The following SLC22A7 variants were observed in gnomAD, a reference collection of about 807,000 sequenced individuals.
The protein encoded by SLC22A7 is hOAT2.
SLC22A7 carries 48 observed loss-of-function variants against 62.2 expected under a neutral mutation model. That is an observed-to-expected ratio of 0.77 (90% CI 0.61 to 0.98). The LOEUF is 0.98. Among genes scored for constraint, SLC22A7 ranks in the 50% least tolerant of loss-of-function variants. SLC22A7 has a pLI of 0.00. For synonymous variants in SLC22A7, 276 were observed against 314.8 expected (o/e 0.88, Z 1.30); for missense variants, 581 against 703.8 (o/e 0.83, Z 1.97).
In SLC22A7 at chr6:43,302,270, A is replaced by G; in HGVS notation, c.1132A>G (p.Thr378Ala). ...GGGGCTGGGGCTGAACGTGTACCAGACACAGCTGTTGTTCGGGGCTGTGGA... is the reference window on the plus strand; with the variant it reads ...GGGGCTGGGGCTGAACGTGTACCAGGCACAGCTGTTGTTCGGGGCTGTGGA... ...VSGLGLNVYQ[T>A]QLLFGAVELP... Residue 378 changes from threonine (T) to alanine (A), a missense_variant, in exon 8 of 11, where the codon ACA becomes GCA. Physicochemically the swap from Thr to Ala is moderately conservative, Grantham distance 58 (BLOSUM62 0). Transcript: ENST00000372585. The surrounding 1 kb of genome is among the most constrained non-coding windows in gnomAD (Gnocchi z 5.0). 3 of 1,613,060 alleles carry G rather than the reference A, an allele frequency of 1.9e-6. No homozygotes were observed. The highest frequency in any genetic ancestry group is 8.5e-7 in the Non-Finnish European group (1 of 1,179,414).
rs753068237 is a variant in SLC22A7, at chr6:43,302,029, C to T, written c.1062-171C>T. 2.6e-5 allele frequency among the ~76,000 whole-genome samples: 4 copies of T among 152,094 alleles called. No individual in the cohort carries two copies. The highest frequency in any genetic ancestry group is 4.8e-5 in the African/African-American group (2 of 41,388). On this transcript the variant is annotated intron_variant, in intron 7 of 10. Transcript: ENST00000372585. The surrounding 1 kb of genome is among the most constrained non-coding windows in gnomAD (Gnocchi z 5.0). ...AGGGTAAAGGCGCTTTGACTACTGG[C>T]GCATGCTGCACAGAGGGCATTATGG...
At position 43,301,635 on chromosome 6, in the gene SLC22A7, T is replaced by C; in HGVS notation, c.1004T>C (p.Leu335Pro). 6.8e-6 allele frequency: 11 copies of C among 1,614,180 alleles called. No homozygotes were observed. The highest frequency in any genetic ancestry group is 1.1e-5 in the South Asian group (1 of 91,082). The stretch of plus-strand genomic sequence containing the variant: ...CGGGTGGTCCGAAGACCTTCATACC[T>C]AGACCTGTTCCGCACACCACGGCTC... Reference protein sequence around the residue: ...GERVVRRPSYLDLFRTPRLRH... With the variant: ...GERVVRRPSYPDLFRTPRLRH... The change falls in exon 7 of 11, where the codon CTA becomes CCA. Residue 335 changes from leucine to proline, a missense_variant. Transcript: ENST00000372585.
In SLC22A7 at chr6:43,299,049, G is replaced by A. The variant is rs201890078; in HGVS notation, c.394-43G>A. The A allele has an allele frequency of 6.5e-7, 1 of 1,535,710 alleles. No individual in the cohort carries two copies. Among genetic ancestry groups the A allele is most frequent in the African/African-American group, 1.4e-5 (1 of 72,382 alleles). On this transcript the variant is annotated intron_variant, in intron 1 of 10. Transcript: ENST00000372585. The surrounding 1 kb of genome is among the most constrained non-coding windows in gnomAD (Gnocchi z 4.4). ...AAGGCAATTTCTGCAGCAAGAGGTGGAGAAACAATAGAGGCCTTCTTTTCT... is the reference window on the plus strand; with the variant it reads ...AAGGCAATTTCTGCAGCAAGAGGTGAAGAAACAATAGAGGCCTTCTTTTCT...
At chr6:43,301,719 T>A (rs749221182) in intron 7 of SLC22A7, 27 bp downstream of exon 7, 3 of 1,539,318 alleles carry the variant, frequency 1.9e-6, no homozygotes, top group Non-Finnish European at 2.7e-6. Flanking sequence ...GGGTCTGGCA[T>A]GGGTGTGGTG....
chr6:43,299,601 A>G lies in SLC22A7; in HGVS notation c.504-26A>G. ...GCCTTAGAACCTCCTTCCACAGGGAACTGACCCTGCATGACCCCTTTGCAG... is the reference window on the plus strand; with the variant it reads ...GCCTTAGAACCTCCTTCCACAGGGAGCTGACCCTGCATGACCCCTTTGCAG... On this transcript the variant is annotated intron_variant, in intron 3 of 10. Transcript: ENST00000372585. This position sits in a 1 kb window ranked among gnomAD's most constrained non-coding sequence, Gnocchi z 4.4. 6.2e-7 allele frequency: 1 copy of G among 1,614,124 alleles called. No individual in the cohort carries two copies.
At chr6:43,300,211 A>AAAAGAGAC (rs1778692118) in intron 5 of SLC22A7, 145 bp downstream of exon 5, 2 of 819,362 alleles carry the variant, frequency 2.4e-6, no homozygotes, top group Admixed American at 2.8e-5. Context: ...GACACAGAGA[A>AAAAGAGAC]AAAGAGACAG....
In SLC22A7 at chr6:43,300,065, T is replaced by C. The variant is rs757219969; in HGVS notation, c.826T>C (p.Trp276Arg). ...TTGTGCCCCAGGCATCCTCAGCCTC[T>C]GGTGAGGACTGCAGGCAGCTGGGGA... ...LPCAPGILSL[W>R]WVPESARWLL... Residue 276 changes from tryptophan (W) to arginine (R), a missense_variant and splice_region_variant, in exon 5 of 11, where the codon TGG (tryptophan) becomes CGG (arginine). Coordinates refer to ENST00000372585, the MANE Select transcript of SLC22A7 (RefSeq NM_153320.2). 6.2e-7 allele frequency: 1 copy of C among 1,613,778 alleles called. No individual in the cohort carries two copies. The highest frequency in any genetic ancestry group is 1.1e-5 in the South Asian group (1 of 91,066).
chr6:43,299,025 A>C lies in SLC22A7; in HGVS notation c.394-67A>C. 3 of 1,470,342 alleles carry C rather than the reference A, an allele frequency of 2.0e-6. No homozygotes were observed. Among genetic ancestry groups the C allele is most frequent in the South Asian group, 1.3e-5 (1 of 75,252 alleles). 91.1% of individuals were successfully genotyped at this position (1,470,342 alleles called of 1,614,324 possible). On this transcript the variant is annotated intron_variant, in intron 1 of 10. Transcript: ENST00000372585. The surrounding 1 kb of genome is among the most constrained non-coding windows in gnomAD (Gnocchi z 4.4). The stretch of plus-strand genomic sequence containing the variant: ...AGGGAGTTGAGACAAAGAGCTGAGA[A>C]GGCAATTTCTGCAGCAAGAGGTGGA...
At chr6:43,298,934 A>G (rs1448406888) in intron 1 of SLC22A7, among the ~76,000 whole-genome samples, 158 bp from the exon 2 acceptor site, 1 of 152,222 alleles carries the variant, frequency 6.6e-6, no homozygotes, top group Non-Finnish European at 1.5e-5. Flanking sequence ...AGGATCCTAC[A>G]CAAGAACTGT....
intron 5 of SLC22A7, 148 bp from the exon 6 acceptor site, chr6:43,300,987 A>G (rs1040215583): frequency 6.1e-6 from 6 of 983,532 alleles, no homozygotes; most frequent in African/African-American, 4.9e-5. Context: ...GAGCTCATCA[A>G]GTGTGGAGGG....
Position 43,299,037 on chromosome 6 carries a change from C to A in SLC22A7, c.394-55C>A. ...CAAAGAGCTGAGAAGGCAATTTCTGCAGCAAGAGGTGGAGAAACAATAGAG... is the reference window on the plus strand; with the variant it reads ...CAAAGAGCTGAGAAGGCAATTTCTGAAGCAAGAGGTGGAGAAACAATAGAG... On this transcript the variant is annotated intron_variant, in intron 1 of 10. Transcript: ENST00000372585. This position sits in a 1 kb window ranked among gnomAD's most constrained non-coding sequence, Gnocchi z 4.4. 1 of 1,505,098 alleles carries A rather than the reference C, an allele frequency of 6.6e-7. No homozygotes were observed. The highest frequency in any genetic ancestry group is 9.0e-7 in the Non-Finnish European group (1 of 1,114,414). The allele number at this position is 1,505,098 out of a possible 1,614,324, so 93.2% of individuals were successfully genotyped here.
Position 43,302,895 on chromosome 6 carries a change from C to T in SLC22A7, c.1385+132C>T, listed in dbSNP as rs551411261. ...TTTTAATTTTAATTTTTGGTAGAGA[C>T]GGGGTCTTGCTATATTACCCAGACT... On this transcript the variant is annotated intron_variant, in intron 9 of 10. Coordinates refer to ENST00000372585, the MANE Select transcript of SLC22A7 (RefSeq NM_153320.2). The surrounding 1 kb of genome is among the most constrained non-coding windows in gnomAD (Gnocchi z 5.0). The T allele has an allele frequency of 1.6e-5, 11 of 693,752 alleles. No homozygotes were observed. The highest frequency in any genetic ancestry group is 1.1e-4 in the South Asian group (6 of 52,282). The allele number at this position is 693,752 out of a possible 1,614,324, so 43.0% of individuals were successfully genotyped here. A position where few individuals can be genotyped will look rare whatever the true frequency, so the allele number is the denominator to read the frequency against.
In SLC22A7 at chr6:43,305,403, G is replaced by A. The variant is rs968083750; in HGVS notation, c.*678G>A. 4.6e-5 allele frequency: 13 copies of A among 280,900 alleles called. No homozygotes were observed. Among genetic ancestry groups the A allele is most frequent in the Non-Finnish European group, 8.9e-5 (13 of 146,056 alleles). The allele number at this position is 280,900 out of a possible 1,614,324, so 17.4% of individuals were successfully genotyped here. A position where few individuals can be genotyped will look rare whatever the true frequency, so the allele number is the denominator to read the frequency against. ...CGAGGCACCCTGCAGGGCAATGCAT[G>A]TCATCCCAACCCCCACACTCCCCAT... is the stretch of plus-strand genomic sequence containing the variant. On this transcript the variant is annotated 3_prime_UTR_variant, in exon 11 of 11. Transcript: ENST00000372585.
intron 10 of SLC22A7, 141 bp from the exon 11 acceptor site, chr6:43,304,530 C>G: frequency 1.4e-6 from 1 of 699,670 alleles, no homozygotes; most frequent in Admixed American, 2.6e-5. Context: ...GGGGTGTGTA[C>G]AAGCATGTGT....
intron 5 of SLC22A7, 27 bp from the exon 6 acceptor site, chr6:43,301,108 G>C (rs1488902679): frequency 6.2e-7 from 1 of 1,613,858 alleles, no homozygotes; most frequent in African/African-American, 1.3e-5. Context: ...TGACTTTCTG[G>C]CTGATGGACC....
chr6:43,301,886 G>A (rs1189360227), intron 7 of SLC22A7, among the ~76,000 whole-genome samples, 194 bp downstream of exon 7: 1 of 152,192 alleles, frequency 6.6e-6, no homozygotes, highest in Non-Finnish European at 1.5e-5. Context: ...ATGGGTTCAA[G>A]CTCAGACTCC....
In SLC22A7 at chr6:43,305,072, G is replaced by C. The variant is rs1057066749; in HGVS notation, c.*347G>C. On this transcript the variant is annotated 3_prime_UTR_variant, in exon 11 of 11. Transcript: ENST00000372585. ...CTGATAAAACCTTCACCATTAACTT[G>C]CTGTGTGACCTTGGGCATGTGGCTT... 1.9e-5 allele frequency: 4 copies of C among 206,142 alleles called. No homozygotes were observed. Among genetic ancestry groups the C allele is most frequent in the Admixed American group, 1.2e-4 (2 of 17,180 alleles). The allele number at this position is 206,142 out of a possible 1,614,324, so 12.8% of individuals were successfully genotyped here. A position where few individuals can be genotyped will look rare whatever the true frequency, so the allele number is the denominator to read the frequency against.
At chr6:43,301,307 G>A in intron 6 of SLC22A7, 49 bp downstream of exon 6, 6 of 1,608,324 alleles carry the variant, frequency 3.7e-6, no homozygotes, top group Non-Finnish European at 5.1e-6. Flanking sequence ...GTGGTGGGGA[G>A]TGGGCTGTGT....
Position 43,299,694 on chromosome 6 carries a change from G to C in SLC22A7, c.571G>C (p.Ala191Pro), listed in dbSNP as rs1203678125. ...STLVLGLASAASVSYVMFAIT... is the reference protein window; with the variant it reads ...STLVLGLASAPSVSYVMFAIT... ...CCTGGTGCTGGGCCTGGCATCTGCA[G>C]CCTCCGTCAGCTATGTAATGTTTGC... Residue 191 changes from alanine to proline, a missense_variant, in exon 4 of 11, where the codon GCC (alanine) becomes CCC (proline). Transcript: ENST00000372585. This position sits in a 1 kb window ranked among gnomAD's most constrained non-coding sequence, Gnocchi z 4.4. 1 of 1,614,190 alleles carries C rather than the reference G, an allele frequency of 6.2e-7. No individual in the cohort carries two copies. Among genetic ancestry groups the C allele is most frequent in the Non-Finnish European group, 8.5e-7 (1 of 1,180,028 alleles).
Sources: allele counts gnomAD v4.1 joint callset (sites outside exome capture counted in the v4.1 genomes callset), GRCh38; gene constraint gnomAD v4.1.1; non-coding constraint Gnocchi (gnomAD v3.1); transcripts MANE v1.5; gene names NCBI Gene and HGNC (gene_info 2026-07-23, HGNC 2026-07-21).